Variants in ZBTB20 observed in about 807,000 individuals in gnomAD.
ZBTB20 encodes the protein zinc finger and BTB domain-containing protein 20.
Under a neutral mutation model 56.9 loss-of-function variants are expected in ZBTB20, and 9 were observed. The observed-to-expected ratio is 0.16, with a 90% CI of 0.10 to 0.28. The LOEUF (loss-of-function observed/expected upper bound fraction) is 0.28, where lower values mean the gene tolerates loss of function less well. ZBTB20 is among the 10% of genes least tolerant of loss of function. ZBTB20 has a pLI of 1.00. For missense variants in ZBTB20, 655 were observed against 1,003.0 expected (o/e 0.65, Z 4.69); for synonymous variants, 417 against 420.7 (o/e 0.99, Z 0.11).
intron 4 of ZBTB20, among the ~76,000 whole-genome samples, chr3:114,890,114 CTATTA>C (rs762062882): frequency 2.0e-5 from 3 of 152,112 alleles, no homozygotes; most frequent in Non-Finnish European, 4.4e-5. Context: ...TCTTTCTACT[CTATTA>C]TATTGTCTCT....
intron 5 of ZBTB20, among the ~76,000 whole-genome samples, chr3:114,739,480 C>T (rs1274873915): frequency 6.6e-6 from 1 of 152,182 alleles, no homozygotes; most frequent in Non-Finnish European, 1.5e-5. Flanking sequence ...GCCAGCTCCT[C>T]CTCTGTGGCT....
intron 1 of ZBTB20, among the ~76,000 whole-genome samples, chr3:115,120,139 G>T (rs1227325346): frequency 6.6e-6 from 1 of 152,044 alleles, no homozygotes; most frequent in Non-Finnish European, 1.5e-5. Flanking sequence ...CCCATAAAAT[G>T]TATAACGCCA....
In ZBTB20 at chr3:114,529,910, T is replaced by A. The variant is rs761160740; in HGVS notation, c.-294-29519A>T. 3.9e-5 allele frequency among the ~76,000 whole-genome samples: 6 copies of A among 152,236 alleles called. No homozygotes were observed. The South Asian group carries it at 1.2e-3, about 31-fold the overall frequency. ...GTAGTAGTAATTCTCTGACACTGAG[T>A]TAAAGGAAGTCCTATTTTTTTTCAC... On this transcript the variant is annotated intron_variant, in intron 6 of 11. Coordinates refer to ENST00000675478, the MANE Select transcript of ZBTB20 (RefSeq NM_001348800.3).
intron 7 of ZBTB20, among the ~76,000 whole-genome samples, chr3:114,443,816 G>A (rs2091087117): frequency 6.6e-6 from 1 of 152,138 alleles, no homozygotes. Context: ...AATTCTTATA[G>A]TATCCTAGGA....
intron 7 of ZBTB20, among the ~76,000 whole-genome samples, chr3:114,465,793 C>T (rs2092525689): frequency 6.6e-6 from 1 of 151,982 alleles, no homozygotes; most frequent in South Asian, 2.1e-4. Flanking sequence ...TGATTATGCT[C>T]ATGACACGGC....
chr3:114,610,699 C>G (rs968555134), intron 6 of ZBTB20, among the ~76,000 whole-genome samples: 4 of 152,074 alleles, frequency 2.6e-5, no homozygotes, highest in African/African-American at 7.2e-5. Flanking sequence ...TCAGGAGAGT[C>G]CAAAGATGTG....
At chr3:114,556,327 C>T (rs369008476) in intron 6 of ZBTB20, among the ~76,000 whole-genome samples, 1 of 152,020 alleles carries the variant, frequency 6.6e-6, no homozygotes, top group Non-Finnish European at 1.5e-5. Context: ...TATGAAGTCA[C>T]CTTAGATAAT....
chr3:114,953,956 G>A (rs946902443), intron 3 of ZBTB20, among the ~76,000 whole-genome samples: 7 of 152,042 alleles, frequency 4.6e-5, no homozygotes, highest in South Asian at 2.1e-4. Context: ...TACAGTTTTC[G>A]TAAGAGTAAT....
At chr3:114,950,227 GT>G (rs898522233) in intron 3 of ZBTB20, among the ~76,000 whole-genome samples, 3 of 151,912 alleles carry the variant, frequency 2.0e-5, no homozygotes, top group Admixed American at 6.6e-5. Flanking sequence ...CAAATACTAT[GT>G]TTTTTTCCTA....
chr3:115,015,963 G>A (rs58456249), intron 2 of ZBTB20, among the ~76,000 whole-genome samples: 14,166 of 151,718 alleles, frequency 0.093, 1,858 homozygotes, highest in African/African-American at 0.29. Context: ...CTTTTTCTCC[G>A]CAACCTCACC....
At chr3:114,571,403 G>A (rs963532827) in intron 6 of ZBTB20, among the ~76,000 whole-genome samples, 4 of 152,150 alleles carry the variant, frequency 2.6e-5, no homozygotes, top group African/African-American at 9.7e-5. Context: ...TTGGACTAAC[G>A]CAGATCATTA....
intron 2 of ZBTB20, among the ~76,000 whole-genome samples, chr3:115,011,550 T>G (rs1380399343): frequency 6.6e-6 from 1 of 151,860 alleles, no homozygotes; most frequent in Non-Finnish European, 1.5e-5. Context: ...GAATAGCATA[T>G]CTGGTGAAAA....
intron 6 of ZBTB20, among the ~76,000 whole-genome samples, chr3:114,604,566 T>C (rs992971211): frequency 6.6e-6 from 1 of 151,996 alleles, no homozygotes; most frequent in Admixed American, 6.6e-5. Context: ...GATAATCTCA[T>C]ATTAAAGTAA....
rs146813548 is a variant in ZBTB20, at chr3:114,377,192, T to G, written c.199+3025A>C. On this transcript the variant is annotated intron_variant, in intron 10 of 11. Coordinates refer to ENST00000675478, the MANE Select transcript of ZBTB20 (RefSeq NM_001348800.3). ...GATTCCATAACTCATCTTAATGCCTTCCATTATCACCATGTGAATTTGCTT... is the reference window on the plus strand; with the variant it reads ...GATTCCATAACTCATCTTAATGCCTGCCATTATCACCATGTGAATTTGCTT... Among the ~76,000 whole-genome samples, 138 of 152,268 alleles carry G rather than the reference T, an allele frequency of 9.1e-4. 3 individuals are homozygous for G. In the East Asian group the frequency reaches 0.025, roughly 28 times the overall value.
intron 10 of ZBTB20, among the ~76,000 whole-genome samples, chr3:114,361,371 T>TTACTA (rs2081863647): frequency 6.6e-6 from 1 of 152,204 alleles, no homozygotes; most frequent in Non-Finnish European, 1.5e-5. Flanking sequence ...AAGCCTTCTG[T>TTACTA]GATTACTAGA....
intron 11 of ZBTB20, among the ~76,000 whole-genome samples, chr3:114,347,306 GTTTGCATAGC>G (rs2080276543): frequency 6.6e-6 from 1 of 151,820 alleles, no homozygotes; most frequent in Non-Finnish European, 1.5e-5. Flanking sequence ...AGGTCTATTG[GTTTGCATAGC>G]AGCTGTAATG....
At chr3:114,380,692 A>G in intron 9 of ZBTB20, 85 bp downstream of exon 9, 2 of 1,443,186 alleles carry the variant, frequency 1.4e-6, no homozygotes, top group East Asian at 2.5e-5. Flanking sequence ...TGAGCTACGT[A>G]TGGCTGACAT....
chr3:114,973,879 T>C (rs1192695836), intron 3 of ZBTB20, among the ~76,000 whole-genome samples: 2 of 152,178 alleles, frequency 1.3e-5, no homozygotes, highest in Admixed American at 1.3e-4. Flanking sequence ...TCTGGACTTC[T>C]GACTATCAGT....
chr3:114,810,816 A>T (rs1208325472), intron 4 of ZBTB20, among the ~76,000 whole-genome samples: 2 of 152,094 alleles, frequency 1.3e-5, no homozygotes, highest in South Asian at 2.1e-4. Flanking sequence ...GCGGGGGGGA[A>T]GTCTAACTGC....
Sources: allele counts gnomAD v4.1 joint callset (sites outside exome capture counted in the v4.1 genomes callset), GRCh38; gene constraint gnomAD v4.1.1; transcripts MANE v1.5; gene names NCBI Gene and HGNC (gene_info 2026-07-23, HGNC 2026-07-21).